The following CUL4A variants were observed in gnomAD, a reference collection of about 807,000 sequenced individuals.
CUL4A encodes cullin 4A, also known as cullin-4A.
A neutral mutation model predicts 95.5 loss-of-function variants in CUL4A; 16 were observed. The ratio of observed to expected loss-of-function variants is 0.17; its 90% CI spans 0.11 to 0.25. The LOEUF is 0.25. CUL4A is among the 10% of genes least tolerant of loss of function. The pLI is 1.00. For synonymous variants in CUL4A, 380 were observed against 353.1 expected, an observed-to-expected ratio of 1.08 and a Z score of -0.85; for missense variants, 610 against 937.0, an observed-to-expected ratio of 0.65 and a Z score of 4.56.
chr13:113,248,044 C>T (rs898833324), intron 15 of CUL4A, among the ~76,000 whole-genome samples: 1 of 152,088 alleles, frequency 6.6e-6, no homozygotes, highest in Non-Finnish European at 1.5e-5. Context: ...ATCACGTGCC[C>T]CAGTGTCTTG....
intron 6 of CUL4A, 58 bp from the exon 7 acceptor site, chr13:113,233,839 C>A: frequency 1.0e-6 from 1 of 982,524 alleles, no homozygotes; most frequent in Non-Finnish European, 1.6e-6. Flanking sequence ...GATGTGTTAG[C>A]ACTTGTGAAG....
At chr13:113,243,588 ATTTT>A (rs550681745) in intron 11 of CUL4A, among the ~76,000 whole-genome samples, 1 of 150,538 alleles carries the variant, frequency 6.6e-6, no homozygotes, top group Non-Finnish European at 1.5e-5. Flanking sequence ...AGTCAGTAAA[ATTTT>A]TTTTTTAATT....
intron 15 of CUL4A, among the ~76,000 whole-genome samples, chr13:113,252,295 G>A (rs2042014316): frequency 6.6e-6 from 1 of 152,142 alleles, no homozygotes; most frequent in African/African-American, 2.4e-5. Flanking sequence ...CAGCGTTTTG[G>A]GAGGCCGAGG....
intron 4 of CUL4A, 39 bp from the exon 5 acceptor site, chr13:113,229,407 A>G (rs1328607133): frequency 6.4e-7 from 1 of 1,569,772 alleles, no homozygotes; most frequent in Non-Finnish European, 8.8e-7. Context: ...TTTTGCTAGT[A>G]GAATTCATAA....
intron 2 of CUL4A, among the ~76,000 whole-genome samples, chr13:113,210,390 T>G (rs994014672): frequency 6.6e-6 from 1 of 152,258 alleles, no homozygotes; most frequent in Non-Finnish European, 1.5e-5. Flanking sequence ...CGGCAAATTA[T>G]TTTCTCGTTA....
intron 2 of CUL4A, among the ~76,000 whole-genome samples, chr13:113,212,841 T>C (rs1398580430): frequency 2.6e-5 from 4 of 152,222 alleles, no homozygotes; most frequent in Non-Finnish European, 5.9e-5. Context: ...GTCCAGTTTT[T>C]CAGTCTCTTT....
intron 2 of CUL4A, among the ~76,000 whole-genome samples, chr13:113,211,674 C>A (rs1318312896): frequency 6.6e-6 from 1 of 152,148 alleles, no homozygotes; most frequent in African/African-American, 2.4e-5. Flanking sequence ...CATAAGCCAC[C>A]GCGCCTGGCC....
intron 3 of CUL4A, among the ~76,000 whole-genome samples, chr13:113,226,363 A>G (rs2041104826): frequency 6.6e-6 from 1 of 152,252 alleles, no homozygotes; most frequent in African/African-American, 2.4e-5. Context: ...GTTAAAATGT[A>G]GGAAGTCCAT....
chr13:113,244,932 C>A lies in CUL4A; in HGVS notation c.1334-17C>A. ...AACTCTCTGATGTCTTGATTATTCT[C>A]GTCTGGTTATAAATAGGTAAAGATG... On this transcript the variant is annotated splice_polypyrimidine_tract_variant and intron_variant, in intron 12 of 19. Transcript: ENST00000375440. 6.8e-7 allele frequency: 1 copy of A among 1,475,706 alleles called. No individual in the cohort carries two copies. The highest frequency in any genetic ancestry group is 9.5e-7 in the Non-Finnish European group (1 of 1,054,506). The allele number at this position is 1,475,706 out of a possible 1,614,324, so 91.4% of individuals were successfully genotyped here. A position where few individuals can be genotyped will look rare whatever the true frequency, so the allele number is the denominator to read the frequency against.
At chr13:113,234,093 T>C in intron 7 of CUL4A, 107 bp downstream of exon 7, 1 of 647,106 alleles carries the variant, frequency 1.5e-6, no homozygotes, top group Non-Finnish European at 2.7e-6. Context: ...AATGTTTCAT[T>C]GAAAATCTTC....
At chr13:113,208,235 A>G (rs143953654), upstream of CUL4A, 59 of 1,469,674 alleles carry the variant, frequency 4.0e-5, no homozygotes, top group South Asian at 6.4e-4. Flanking sequence ...CATCCGACAC[A>G]GCACCGCCCA....
chr13:113,239,407 C>A, intron 9 of CUL4A, 26 bp from the exon 10 acceptor site: 1 of 1,585,156 alleles, frequency 6.3e-7, no homozygotes, highest in Middle Eastern at 1.7e-4. Context: ...ATGCTGTACT[C>A]TGCTGACGTG....
chr13:113,216,256 C>T (rs1212806203), intron 2 of CUL4A, among the ~76,000 whole-genome samples: 1 of 152,214 alleles, frequency 6.6e-6, no homozygotes, highest in East Asian at 1.9e-4. Context: ...GTTCTGTCTT[C>T]CACATCTGAG....
intron 3 of CUL4A, among the ~76,000 whole-genome samples, chr13:113,224,641 G>A (rs893901686): frequency 3.3e-5 from 5 of 152,276 alleles, no homozygotes; most frequent in Admixed American, 6.5e-5. Flanking sequence ...TCCTTAGAAA[G>A]ACTTTGTGCC....
intron 19 of CUL4A, chr13:113,262,811 G>A (rs1403838048): frequency 2.6e-5 from 4 of 151,486 alleles, no homozygotes; most frequent in Non-Finnish European, 4.4e-5. Flanking sequence ...GGCAGATGTC[G>A]GATCTGCCTC....
At chr13:113,229,295 A>C (rs2041223770) in intron 4 of CUL4A, 151 bp from the exon 5 acceptor site, 2 of 653,948 alleles carry the variant, frequency 3.1e-6, no homozygotes, top group Non-Finnish European at 5.3e-6. Flanking sequence ...GGACAAAATT[A>C]ACTTTAGAAA....
chr13:113,233,527 G>C (rs190580803), intron 6 of CUL4A, among the ~76,000 whole-genome samples, 188 bp downstream of exon 6: 2 of 147,862 alleles, frequency 1.4e-5, no homozygotes, highest in African/African-American at 4.8e-5. Flanking sequence ...CAAAAGAGAA[G>C]ATAGATCAAT....
chr13:113,222,389 T>C (rs548180296), intron 3 of CUL4A, among the ~76,000 whole-genome samples: 1 of 140,382 alleles, frequency 7.1e-6, no homozygotes, highest in East Asian at 2.9e-4. Flanking sequence ...GCAAACCTCT[T>C]ATGGTTAGAG....
rs778044677 is a variant in CUL4A, at chr13:113,243,090, C to T, written c.1158C>T (p.Phe386=). 2.5e-6 allele frequency: 4 copies of T among 1,614,124 alleles called. No individual in the cohort carries two copies. The highest frequency in any genetic ancestry group is 1.6e-4 in the Middle Eastern group (1 of 6,062). Residue 386 remains phenylalanine, a synonymous_variant, in exon 11 of 20, where the codon TTC becomes TTT. Coordinates refer to ENST00000375440, the MANE Select transcript of CUL4A (RefSeq NM_001008895.4). ...TCTGCTTCCAGAAGAATGAGCGGTT[C>T]GTCAACCTGATGAAGGAGTCCTTTG... The part of the protein sequence containing the change: ...IEVCFQKNER[F]VNLMKESFET...
Sources: gnomAD v4.1 joint callset for allele counts (sites outside exome capture counted in the v4.1 genomes callset) on GRCh38, gnomAD v4.1.1 for gene constraint, MANE v1.5 for transcripts, NCBI Gene and HGNC (gene_info 2026-07-23, HGNC 2026-07-21) for gene names.